RHBDD1: variants seen among roughly 807,000 people sequenced by gnomAD.
RHBDD1 encodes rhomboid domain containing 1, also known as rhomboid-related protein 4.
A neutral mutation model predicts 36.3 loss-of-function variants in RHBDD1; 38 were observed. The ratio of observed to expected loss-of-function variants is 1.05; its 90% CI spans 0.81 to 1.37. The LOEUF is 1.37. Ranked by LOEUF, RHBDD1 falls within the 40% of genes most tolerant of loss-of-function variation. The pLI is 0.00. For synonymous variants in RHBDD1, 151 were observed against 136.5 expected, an observed-to-expected ratio of 1.11 and a Z score of -0.74; for missense variants, 393 against 377.6, an observed-to-expected ratio of 1.04 and a Z score of -0.34.
chr2:226,975,393 G>A (rs892508255), intron 8 of RHBDD1, among the ~76,000 whole-genome samples: 1 of 152,118 alleles, frequency 6.6e-6, no homozygotes, highest in Non-Finnish European at 1.5e-5. Context: ...CTGGAGGTGA[G>A]GGAGGCCCGA....
intron 5 of RHBDD1, among the ~76,000 whole-genome samples, chr2:226,889,658 G>T (rs1406504822): frequency 1.3e-5 from 2 of 152,122 alleles, no homozygotes; most frequent in African/African-American, 4.8e-5. Flanking sequence ...CAGTTATATG[G>T]CTTCTAGTCA....
chr2:226,995,644 G>C lies in RHBDD1; in HGVS notation c.*122G>C. Reference sequence around the variant, plus strand: ...AGCAGAGTACACCGGTATTGCTCCAGATCGCTCACATCACCTGGGACAGTC... The same window carrying C: ...AGCAGAGTACACCGGTATTGCTCCACATCGCTCACATCACCTGGGACAGTC... On this transcript the variant is annotated 3_prime_UTR_variant, in exon 9 of 9. Transcript: ENST00000392062. The C allele has an allele frequency of 1.4e-6, 1 of 716,184 alleles. No individual in the cohort carries two copies. 44.4% of individuals were successfully genotyped at this position (716,184 alleles called of 1,614,324 possible). A position where few individuals can be genotyped will look rare whatever the true frequency, so the allele number is the denominator to read the frequency against.
At chr2:226,961,755 A>T (rs1952220121) in intron 8 of RHBDD1, among the ~76,000 whole-genome samples, 1 of 152,218 alleles carries the variant, frequency 6.6e-6, no homozygotes, top group Non-Finnish European at 1.5e-5. Context: ...ATATGAAAAC[A>T]GTAACAGCTG....
chr2:226,975,428 A>G (rs1954396477), intron 8 of RHBDD1, among the ~76,000 whole-genome samples: 2 of 152,190 alleles, frequency 1.3e-5, no homozygotes, highest in Non-Finnish European at 1.5e-5. Context: ...TGCTTTCCTC[A>G]GAATGGCCAT....
intron 8 of RHBDD1, among the ~76,000 whole-genome samples, chr2:226,929,680 T>C (rs1265586399): frequency 6.6e-6 from 1 of 151,644 alleles, no homozygotes; most frequent in Non-Finnish European, 1.5e-5. Flanking sequence ...AGAAAGGACG[T>C]TCAAATTAGA....
chr2:226,895,733 T>C, intron 5 of RHBDD1: 4 of 985,366 alleles, frequency 4.1e-6, no homozygotes, highest in Non-Finnish European at 4.8e-6. Context: ...ATTATGACTT[T>C]CATCCAGAGC....
intron 8 of RHBDD1, among the ~76,000 whole-genome samples, chr2:226,982,198 A>G (rs1575451190): frequency 6.6e-6 from 1 of 152,158 alleles, no homozygotes; most frequent in African/African-American, 2.4e-5. Context: ...TGATTTGGTT[A>G]CCTTTGATAC....
intron 8 of RHBDD1, among the ~76,000 whole-genome samples, chr2:226,990,801 C>T (rs1330112357): frequency 6.6e-6 from 1 of 152,170 alleles, no homozygotes; most frequent in Non-Finnish European, 1.5e-5. Flanking sequence ...TTCTTTGAAG[C>T]ATGCTCACTG....
intron 8 of RHBDD1, among the ~76,000 whole-genome samples, chr2:226,942,751 T>C (rs1047321859): frequency 1.6e-4 from 24 of 152,212 alleles, no homozygotes; most frequent in African/African-American, 5.5e-4. Flanking sequence ...TTAGTGACAT[T>C]TGAATTAAGG....
intron 8 of RHBDD1, among the ~76,000 whole-genome samples, chr2:226,926,764 A>G (rs981747020): frequency 4.6e-5 from 7 of 152,206 alleles, no homozygotes; most frequent in Admixed American, 3.9e-4. Context: ...CAAGTTCCAC[A>G]TGAAGTGATA....
intron 5 of RHBDD1, among the ~76,000 whole-genome samples, chr2:226,900,070 G>A (rs886747857): frequency 6.6e-6 from 1 of 152,140 alleles, no homozygotes; most frequent in African/African-American, 2.4e-5. Context: ...TTTTAAGAAG[G>A]GGTCCATGGA....
intron 5 of RHBDD1, among the ~76,000 whole-genome samples, chr2:226,877,544 A>AT (rs1320964117): frequency 8.1e-6 from 1 of 123,704 alleles, no homozygotes; most frequent in Non-Finnish European, 1.7e-5. Flanking sequence ...AATGTGAGCC[A>AT]TTTTCCTTTT....
At chr2:226,908,430 A>C in intron 6 of RHBDD1, 1 of 183,568 alleles carries the variant, frequency 5.4e-6, no homozygotes, top group Admixed American at 5.5e-5. Flanking sequence ...AAGGGTAGGG[A>C]GGATGGCTCT....
chr2:226,847,470 A>G (rs996466282), intron 3 of RHBDD1, among the ~76,000 whole-genome samples: 1 of 152,212 alleles, frequency 6.6e-6, no homozygotes, highest in Non-Finnish European at 1.5e-5. Context: ...GCCCATTTCC[A>G]AAAAGTATCT....
chr2:226,967,152 G>T (rs958552494), intron 8 of RHBDD1, among the ~76,000 whole-genome samples: 1 of 152,040 alleles, frequency 6.6e-6, no homozygotes. Context: ...TTGTGAAGTG[G>T]CCCCCGTTCC....
chr2:226,989,600 C>A (rs1028444907), intron 8 of RHBDD1, among the ~76,000 whole-genome samples: 1 of 152,140 alleles, frequency 6.6e-6, no homozygotes, highest in African/African-American at 2.4e-5. Flanking sequence ...GTCTCTTTGA[C>A]TTTTCTTTCT....
At chr2:226,855,779 G>C (rs1388255936) in intron 3 of RHBDD1, among the ~76,000 whole-genome samples, 1 of 152,226 alleles carries the variant, frequency 6.6e-6, no homozygotes, top group African/African-American at 2.4e-5. Flanking sequence ...TATTGAGAGA[G>C]TGTCACAGTA....
intron 8 of RHBDD1, among the ~76,000 whole-genome samples, chr2:226,937,564 G>A (rs1477548919): frequency 1.3e-5 from 2 of 152,018 alleles, no homozygotes; most frequent in Non-Finnish European, 2.9e-5. Context: ...TAATCCACTA[G>A]CTATTTTTCC....
At chr2:226,901,213 G>C (rs1437266172) in intron 5 of RHBDD1, among the ~76,000 whole-genome samples, 1 of 152,072 alleles carries the variant, frequency 6.6e-6, no homozygotes, top group African/African-American at 2.4e-5. Flanking sequence ...TATTTTTTAA[G>C]GCTGAATAAT....
Sources: allele counts gnomAD v4.1 joint callset (sites outside exome capture counted in the v4.1 genomes callset), GRCh38; gene constraint gnomAD v4.1.1; transcripts MANE v1.5; gene names NCBI Gene and HGNC (gene_info 2026-07-23, HGNC 2026-07-21).